Variants in DSCAML1 observed in about 807,000 individuals in gnomAD.
DSCAML1 encodes the protein cell adhesion molecule DSCAML1.
DSCAML1 carries 38 observed loss-of-function variants against 200.5 expected under a neutral mutation model. The ratio of observed to expected loss-of-function variants is 0.19; its 90% CI spans 0.15 to 0.25. The LOEUF is 0.25. Ranked by LOEUF, DSCAML1 falls within the 10% of genes least tolerant of loss-of-function variation. The probability of loss-of-function intolerance (pLI) is 1.00; values close to 1 mark genes in which losing one functional copy is unlikely to be tolerated. For synonymous variants in DSCAML1, 1,215 were observed against 1,165.0 expected, an observed-to-expected ratio of 1.04 and a Z score of -0.87; for missense variants, 2,223 against 2,858.8, an observed-to-expected ratio of 0.78 and a Z score of 5.07.
intron 3 of DSCAML1, 67 bp from the exon 4 acceptor site, chr11:117,532,589 G>A (rs576727516): frequency 9.2e-5 from 136 of 1,477,942 alleles, no homozygotes; most frequent in East Asian, 7.4e-4. Flanking sequence ...GCAGGGTAGC[G>A]TCTCTGACAG....
chr11:117,587,380 C>T (rs2051168424), intron 3 of DSCAML1, among the ~76,000 whole-genome samples: 1 of 152,050 alleles, frequency 6.6e-6, no homozygotes, highest in South Asian at 2.1e-4. Context: ...GGCTCGGATG[C>T]TGCAGTCTGC....
chr11:117,601,541 T>C (rs890004502), intron 3 of DSCAML1, among the ~76,000 whole-genome samples: 10 of 152,238 alleles, frequency 6.6e-5, no homozygotes, highest in African/African-American at 1.9e-4. Context: ...GGATCTGAAA[T>C]TCCACTATCC....
At chr11:117,750,097 T>G (rs1034991949) in intron 3 of DSCAML1, among the ~76,000 whole-genome samples, 1 of 152,204 alleles carries the variant, frequency 6.6e-6, no homozygotes, top group African/African-American at 2.4e-5. Context: ...GTAGCCTTTC[T>G]GGGTTGCAGT....
chr11:117,600,965 C>T (rs1028598508), intron 3 of DSCAML1, among the ~76,000 whole-genome samples: 19 of 152,096 alleles, frequency 1.2e-4, no homozygotes, highest in Admixed American at 9.2e-4. Context: ...TGCAGGAGGA[C>T]GGGAGGGAGG....
chr11:117,780,304 G>GAAAGAAAGAAAAAGAA lies in DSCAML1; in HGVS notation c.364+188_364+189insTTCTTTTTCTTTCTTT, dbSNP rs71037499. 5.4e-4 allele frequency among the ~76,000 whole-genome samples: 53 copies of GAAAGAAAGAAAAAGAA among 98,440 alleles called. 3 individuals are homozygous for GAAAGAAAGAAAAAGAA. The highest frequency in any genetic ancestry group is 4.2e-3 in the East Asian group (15 of 3,530). The allele number at this position is 98,440 out of a possible 152,430, so 64.6% of individuals were successfully genotyped here. A position where few individuals can be genotyped will look rare whatever the true frequency, so the allele number is the denominator to read the frequency against. Reference sequence around the variant, plus strand: ...AGAAAGAAAGAAAGAAAGAAAGAAAGAGAGAAAGGAGAAAGAAAGGTGTCT... The same window carrying GAAAGAAAGAAAAAGAA: ...AGAAAGAAAGAAAGAAAGAAAGAAAGAAAGAAAGAAAAAGAAAGAGAAAGGAGAAAGAAAGGTGTCT... On this transcript the variant is annotated intron_variant, in intron 2 of 32. Transcript: ENST00000651296. This position sits in a 1 kb window ranked among gnomAD's most constrained non-coding sequence, Gnocchi z 4.8.
intron 3 of DSCAML1, among the ~76,000 whole-genome samples, chr11:117,680,615 G>A (rs560963053): frequency 1.3e-5 from 2 of 152,344 alleles, no homozygotes; most frequent in African/African-American, 2.4e-5. Context: ...TCCCATCATC[G>A]CTGTGGCCTG....
intron 3 of DSCAML1, among the ~76,000 whole-genome samples, chr11:117,657,008 G>A (rs910388450): frequency 6.6e-6 from 1 of 152,212 alleles, no homozygotes; most frequent in Admixed American, 6.5e-5. Flanking sequence ...TATATAAGGG[G>A]TCTTCACACT....
chr11:117,546,785 G>C (rs961173314), intron 3 of DSCAML1, among the ~76,000 whole-genome samples: 60 of 152,104 alleles, frequency 3.9e-4, no homozygotes, highest in African/African-American at 1.1e-3. Context: ...TCTAAATACA[G>C]CTCTATCTTT....
Position 117,428,142 on chromosome 11 carries a change from A to C in DSCAML1, c.*186T>G. On this transcript the variant is annotated 3_prime_UTR_variant, in exon 33 of 33. Transcript: ENST00000651296. ...TCTTTGTGCCCTGGCTTCATGGAGA[A>C]GAAGAAAATAGTTTCATTTGTACAA... is the stretch of plus-strand genomic sequence containing the variant. The C allele has an allele frequency of 1.9e-6, 1 of 529,994 alleles. No homozygotes were observed. Among genetic ancestry groups the C allele is most frequent in the Non-Finnish European group, 3.3e-6 (1 of 300,338 alleles). The allele number at this position is 529,994 out of a possible 1,614,324, so 32.8% of individuals were successfully genotyped here. A position where few individuals can be genotyped will look rare whatever the true frequency, so the allele number is the denominator to read the frequency against.
chr11:117,723,565 G>T (rs1157536064), intron 3 of DSCAML1, among the ~76,000 whole-genome samples: 4 of 152,194 alleles, frequency 2.6e-5, no homozygotes, highest in African/African-American at 9.7e-5. Flanking sequence ...AACCCACCCT[G>T]ATTTCTGGTG....
intron 3 of DSCAML1, among the ~76,000 whole-genome samples, chr11:117,613,806 G>A (rs2051750608): frequency 6.6e-6 from 1 of 152,176 alleles, no homozygotes; most frequent in African/African-American, 2.4e-5. Flanking sequence ...GCCCAGGGAG[G>A]GTATGCAGGG....
intron 3 of DSCAML1, among the ~76,000 whole-genome samples, chr11:117,701,937 C>T (rs560829202): frequency 2.0e-5 from 3 of 152,208 alleles, no homozygotes; most frequent in Non-Finnish European, 2.9e-5. Context: ...GGTAAACAGA[C>T]AGCGCGTGGC....
At chr11:117,429,434 C>T (rs575293301) in intron 32 of DSCAML1, among the ~76,000 whole-genome samples, 26 of 152,326 alleles carry the variant, frequency 1.7e-4, no homozygotes, top group African/African-American at 5.8e-4. Context: ...GACGGAGTCT[C>T]GCTCTGTCAT....
At chr11:117,430,162 G>A (rs1259774554) in intron 32 of DSCAML1, among the ~76,000 whole-genome samples, 1 of 152,224 alleles carries the variant, frequency 6.6e-6, no homozygotes, top group Non-Finnish European at 1.5e-5. Flanking sequence ...AAGGGCATAT[G>A]CTCCGGCCAG....
At chr11:117,786,810 A>G (rs942221639) in intron 1 of DSCAML1, among the ~76,000 whole-genome samples, 9 of 152,162 alleles carry the variant, frequency 5.9e-5, no homozygotes, top group African/African-American at 2.2e-4. Flanking sequence ...CTTTTCATCC[A>G]GGAGTATCTG....
intron 2 of DSCAML1, among the ~76,000 whole-genome samples, chr11:117,778,316 AG>A (rs1168109678): frequency 6.6e-6 from 1 of 152,208 alleles, no homozygotes; most frequent in African/African-American, 2.4e-5. Flanking sequence ...GAGGAGAACA[AG>A]GGGAATGGAC....
chr11:117,624,237 T>A (rs2051997790), intron 3 of DSCAML1, among the ~76,000 whole-genome samples: 2 of 151,988 alleles, frequency 1.3e-5, no homozygotes, highest in African/African-American at 4.8e-5. Context: ...TTCACAGAGA[T>A]CAGGGGGAAG....
intron 3 of DSCAML1, among the ~76,000 whole-genome samples, chr11:117,597,449 ATTTCT>A (rs1356661970): frequency 2.6e-5 from 4 of 152,072 alleles, no homozygotes; most frequent in Non-Finnish European, 5.9e-5. Flanking sequence ...CCTAGGAATT[ATTTCT>A]TTTGTCTTTT....
At chr11:117,734,305 G>A (rs1368586997) in intron 3 of DSCAML1, among the ~76,000 whole-genome samples, 1 of 152,204 alleles carries the variant, frequency 6.6e-6, no homozygotes, top group African/African-American at 2.4e-5. Context: ...AGCACTTACG[G>A]GGTGGGGGAA....
Sources: gnomAD v4.1 joint callset for allele counts (sites outside exome capture counted in the v4.1 genomes callset) on GRCh38, gnomAD v4.1.1 for gene constraint, Gnocchi (gnomAD v3.1) non-coding constraint, MANE v1.5 for transcripts, NCBI Gene and HGNC (gene_info 2026-07-23, HGNC 2026-07-21) for gene names.